The following MICAL3 variants were observed in gnomAD, a reference collection of about 807,000 sequenced individuals.
MICAL3 encodes [F-actin]-monooxygenase MICAL3.
MICAL3 carries 62 observed loss-of-function variants against 207.4 expected under a neutral mutation model. The ratio of observed to expected loss-of-function variants is 0.30; its 90% CI spans 0.24 to 0.37. The LOEUF (loss-of-function observed/expected upper bound fraction) is 0.37. MICAL3 is among the 10% of genes least tolerant of loss of function. MICAL3 has a pLI of 1.00. For synonymous variants in MICAL3, 1,077 were observed against 1,069.3 expected, an observed-to-expected ratio of 1.01 and a Z score of -0.14; for missense variants, 2,368 against 2,635.6, an observed-to-expected ratio of 0.90 and a Z score of 2.22.
chr22:17,926,337 C>T (rs1202860935), intron 1 of MICAL3, among the ~76,000 whole-genome samples: 1 of 152,244 alleles, frequency 6.6e-6, no homozygotes, highest in East Asian at 1.9e-4. Context: ...GTAGAGTAAC[C>T]GAAAAGCAAA....
Position 18,003,159 on chromosome 22 carries a change from C to CAA in MICAL3, c.-75+21120_-75+21121dup, listed in dbSNP as rs770213307. Among the ~76,000 whole-genome samples, 293 of 107,050 alleles carry CAA rather than the reference C, an allele frequency of 2.7e-3. 2 individuals are homozygous for CAA. Among genetic ancestry groups the CAA allele is most frequent in the Non-Finnish European group, 1.6e-3 (82 of 52,392 alleles). The allele number at this position is 107,050 out of a possible 152,430, so 70.2% of individuals were successfully genotyped here. The stretch of plus-strand genomic sequence containing the variant: ...TGGGCAACAGAGCAAGACTCCATCT[C>CAA]AAAAAAAAAAAAAAAAGAACTTTAG... On this transcript the variant is annotated intron_variant, in intron 1 of 31. Transcript: ENST00000441493.
At chr22:17,895,504 C>T in intron 9 of MICAL3, 94 bp from the exon 10 acceptor site, 1 of 1,356,734 alleles carries the variant, frequency 7.4e-7, no homozygotes, top group Non-Finnish European at 1.0e-6. Context: ...AGCAAGTCAC[C>T]TGACATGCCT....
At chr22:17,991,244 CGTGT>C (rs1373318174) in intron 1 of MICAL3, among the ~76,000 whole-genome samples, 1 of 152,116 alleles carries the variant, frequency 6.6e-6, no homozygotes, top group Non-Finnish European at 1.5e-5. Flanking sequence ...TCTGAGCCTG[CGTGT>C]GTGTAAGTGC....
chr22:17,930,508 G>A (rs1170198831), intron 1 of MICAL3, among the ~76,000 whole-genome samples: 1 of 152,200 alleles, frequency 6.6e-6, no homozygotes, highest in East Asian at 1.9e-4. Context: ...CAGCCACACC[G>A]ATGAAACTCA....
intron 1 of MICAL3, among the ~76,000 whole-genome samples, chr22:17,966,468 C>T (rs1337536184): frequency 6.6e-6 from 1 of 152,210 alleles, no homozygotes; most frequent in Non-Finnish European, 1.5e-5. Context: ...AATCCTTATT[C>T]ATATCCAGAC....
intron 22 of MICAL3, among the ~76,000 whole-genome samples, 172 bp from the exon 23 acceptor site, chr22:17,823,232 G>C (rs890240108): frequency 6.6e-6 from 1 of 152,244 alleles, no homozygotes; most frequent in Admixed American, 6.5e-5. Flanking sequence ...GGGTGCTGGG[G>C]GGGGCCCGGG....
chr22:17,858,775 C>T (rs746888586), intron 19 of MICAL3, among the ~76,000 whole-genome samples: 1 of 152,238 alleles, frequency 6.6e-6, no homozygotes, highest in Non-Finnish European at 1.5e-5. Flanking sequence ...ATGGGCAGCA[C>T]AGAATCACGT....
At position 17,864,943 on chromosome 22, in the gene MICAL3, T is replaced by C. The variant is rs1420170927; in HGVS notation, c.2561A>G (p.Asn854Ser). Residue 854 changes from asparagine (N) to serine (S), a missense_variant, in exon 19 of 32, where the codon AAC becomes AGC. Asn to Ser is a conservative substitution (Grantham distance 46). Coordinates refer to ENST00000441493, the MANE Select transcript of MICAL3 (RefSeq NM_015241.3). ...GCTGGCCACGGCGTTGGCCCGTCCGTTTGCATCTGTGGTGGCGCCATCCTG... is the reference window on the plus strand; with the variant it reads ...GCTGGCCACGGCGTTGGCCCGTCCGCTTGCATCTGTGGTGGCGCCATCCTG... Reference protein sequence around the residue: ...PLQDGATTDANGRANAVASST... With the variant: ...PLQDGATTDASGRANAVASST... 4.3e-6 allele frequency: 7 copies of C among 1,613,440 alleles called. No individual in the cohort carries two copies. Among genetic ancestry groups the C allele is most frequent in the Non-Finnish European group, 5.9e-6 (7 of 1,179,634 alleles).
At chr22:17,999,496 C>A (rs937692895) in intron 1 of MICAL3, among the ~76,000 whole-genome samples, 1 of 152,158 alleles carries the variant, frequency 6.6e-6, no homozygotes, top group Non-Finnish European at 1.5e-5. Context: ...TCTCTCAAAC[C>A]CAAGGAAGAG....
chr22:17,922,578 T>C (rs1290127419), intron 1 of MICAL3, among the ~76,000 whole-genome samples: 2 of 152,134 alleles, frequency 1.3e-5, no homozygotes, highest in South Asian at 2.1e-4. Flanking sequence ...TATTATGATG[T>C]TGAAGCTCCC....
At chr22:17,791,413 TC>T (rs2061823548) in intron 29 of MICAL3, 112 bp from the exon 30 acceptor site, 1 of 934,502 alleles carries the variant, frequency 1.1e-6, no homozygotes, top group African/African-American at 1.6e-5. Flanking sequence ...TGCCGGAACT[TC>T]CACTCCCAAG....
Position 17,886,031 on chromosome 22 carries a change from G to A in MICAL3, c.2088C>T (p.His696=). 3 of 1,613,974 alleles carry A rather than the reference G, an allele frequency of 1.9e-6. No individual in the cohort carries two copies. Among genetic ancestry groups the A allele is most frequent in the Non-Finnish European group, 2.5e-6 (3 of 1,179,906 alleles). ...QSEEEEAPRG[H]RGERPTLVST... is the part of the protein sequence containing the mutation. ...TCACCAGGGTCGGTCTTTCTCCTCT[G>A]TGGCCCCGAGGAGCTTCCTCCTGGT... is the stretch of plus-strand genomic sequence containing the variant. Residue 696 remains histidine (H), a synonymous_variant, in exon 16 of 32, where the codon CAC becomes CAT. Coordinates refer to ENST00000441493, the MANE Select transcript of MICAL3 (RefSeq NM_015241.3).
At chr22:17,813,367 C>A (rs2062068794) in intron 27 of MICAL3, 1 of 152,368 alleles carries the variant, frequency 6.6e-6, no homozygotes, top group East Asian at 1.9e-4. Context: ...GCTGCAACCA[C>A]AGCCGCGCTC....
Position 17,817,348 on chromosome 22 carries a change from G to A in MICAL3, c.5313C>T (p.Asp1771=). The A allele has an allele frequency of 6.2e-7, 1 of 1,609,070 alleles. No individual in the cohort carries two copies. Among genetic ancestry groups the A allele is most frequent in the South Asian group, 1.1e-5 (1 of 90,460 alleles). Residue 1771 remains aspartate (D), a synonymous_variant, in exon 26 of 32, where the codon GAC becomes GAT. Coordinates refer to ENST00000441493, the MANE Select transcript of MICAL3 (RefSeq NM_015241.3). ...CGGGAAGCACCCTGTGCTTTCCAGA[G>A]TCCACCGTGGCCCCGCTGGAGGGGG... is the stretch of plus-strand genomic sequence containing the variant. ...PSTPSSGATV[D]SGKHRVLPVV...
At chr22:17,897,620 A>G (rs1930966670) in intron 7 of MICAL3, among the ~76,000 whole-genome samples, 1 of 152,078 alleles carries the variant, frequency 6.6e-6, no homozygotes, top group Non-Finnish European at 1.5e-5. Context: ...CTGAAAGGGC[A>G]TTTCATTATC....
At chr22:17,857,110 G>A (rs1926000257) in intron 19 of MICAL3, among the ~76,000 whole-genome samples, 1 of 152,138 alleles carries the variant, frequency 6.6e-6, no homozygotes, top group African/African-American at 2.4e-5. Context: ...TGGTCACCAG[G>A]TTGTACTTTG....
intron 1 of MICAL3, among the ~76,000 whole-genome samples, chr22:17,982,413 A>G (rs965246201): frequency 7.9e-5 from 12 of 152,248 alleles, no homozygotes; most frequent in Non-Finnish European, 1.6e-4. Context: ...ACGGTGGCTC[A>G]TGCCTGTAAT....
In MICAL3 at chr22:18,014,621, T is replaced by C. The variant is rs183048377; in HGVS notation, c.-75+9660A>G. 4.2e-3 allele frequency among the ~76,000 whole-genome samples: 642 copies of C among 152,262 alleles called. 3 individuals carry two copies. The highest frequency in any genetic ancestry group is 5.8e-3 in the Non-Finnish European group (397 of 68,018). On this transcript the variant is annotated intron_variant, in intron 1 of 31. Transcript: ENST00000441493. ...GACCTACTTAAAATATTCTTACAAT[T>C]CTCTTAATGGGGGAAAAAGTCCCCA...
At chr22:17,993,495 T>A (rs574042318) in intron 1 of MICAL3, among the ~76,000 whole-genome samples, 15 of 152,096 alleles carry the variant, frequency 9.9e-5, no homozygotes, top group Middle Eastern at 3.2e-3. Flanking sequence ...CAATAATGGA[T>A]CTGCTTGGGT....
Sources: gnomAD v4.1 joint callset for allele counts (sites outside exome capture counted in the v4.1 genomes callset) on GRCh38, gnomAD v4.1.1 for gene constraint, MANE v1.5 for transcripts, NCBI Gene and HGNC (gene_info 2026-07-23, HGNC 2026-07-21) for gene names.